MSH6: variants seen among roughly 807,000 people sequenced by gnomAD.
MSH6 encodes mutS homolog 6.
In MSH6, 85 loss-of-function variants were observed where a neutral mutation model predicts 119.1. That is an observed-to-expected ratio of 0.71 (90% CI 0.60 to 0.85). MSH6 has a LOEUF of 0.85. Among genes scored for constraint, MSH6 ranks in the 40% least tolerant of loss-of-function variants. MSH6 has a pLI of 0.00. For missense variants in MSH6, 2,163 were observed against 1,655.3 expected, an observed-to-expected ratio of 1.31 and a Z score of -5.32; for synonymous variants, 830 against 586.9, an observed-to-expected ratio of 1.41 and a Z score of -5.99.
intron 4 of MSH6, among the ~76,000 whole-genome samples, chr2:47,802,013 A>G: frequency 6.6e-6 from 1 of 152,256 alleles, no homozygotes; most frequent in East Asian, 1.9e-4. Flanking sequence ...ATTTATCAAT[A>G]AAAAGTTGAG....
At chr2:47,790,156 T>C (rs1668640437) in intron 1 of MSH6, among the ~76,000 whole-genome samples, 1 of 152,188 alleles carries the variant, frequency 6.6e-6, no homozygotes, top group Admixed American at 6.5e-5. Flanking sequence ...GCGCGGTGGC[T>C]CACGCCTGTA....
rs375210430 is a variant in MSH6 at position 47,798,940 on chromosome 2, G to C, written c.957G>C (p.Thr319=). The C allele has an allele frequency of 2.6e-5, 42 of 1,614,030 alleles. No individual in the cohort carries two copies. Among genetic ancestry groups the C allele is most frequent in the Non-Finnish European group, 3.4e-5 (40 of 1,180,036 alleles). ...AAAGGAAAAGCTCTAGGAAGGAAAC[G>C]CCCTCAGCCACCAAACAAGCAACTA... ...SLKRKSSRKE[T]PSATKQATSI... The change falls in exon 4 of 10, where the codon ACG becomes ACC. Residue 319 remains threonine (T), a synonymous_variant. Coordinates refer to ENST00000234420, the MANE Select transcript of MSH6 (RefSeq NM_000179.3).
intron 4 of MSH6, among the ~76,000 whole-genome samples, chr2:47,801,673 C>T (rs1052263202): frequency 6.6e-6 from 1 of 151,832 alleles, no homozygotes; most frequent in East Asian, 1.9e-4. Context: ...CTGGCCCTTT[C>T]TTCAGTCTTT....
rs1229241977 is a variant in MSH6, at chr2:47,783,198, G to C, written c.-36G>C. 1 of 1,609,358 alleles carries C rather than the reference G, an allele frequency of 6.2e-7. No homozygotes were observed. On this transcript the variant is annotated 5_prime_UTR_variant, in exon 1 of 10. Transcript: ENST00000234420. ...TAGATGCGGTGCTTTTAGGAGCTCCGTCCGACAGAACGGTTGGGCCTTGCC... is the reference window on the plus strand; with the variant it reads ...TAGATGCGGTGCTTTTAGGAGCTCCCTCCGACAGAACGGTTGGGCCTTGCC...
At chr2:47,808,936 A>T (rs539052165), downstream of MSH6, 11 of 402,896 alleles carry the variant, frequency 2.7e-5, no homozygotes, top group Middle Eastern at 6.9e-4. Context: ...GGCTCCAGTG[A>T]TCCTCCCACT....
rs587782324 is a variant in MSH6, at chr2:47,800,997, G to T, written c.3014G>T (p.Arg1005Leu). The T allele has an allele frequency of 5.1e-6, 8 of 1,562,958 alleles. No homozygotes were observed. Among genetic ancestry groups the T allele is most frequent in the Non-Finnish European group, 6.9e-6 (8 of 1,156,732 alleles). The change falls in exon 4 of 10, where the codon CGA (arginine) becomes CTA (leucine). Residue 1005 changes from arginine to leucine, a missense_variant. Coordinates refer to ENST00000234420, the MANE Select transcript of MSH6 (RefSeq NM_000179.3). ...AAATCTACCAAGAAGGGCTGTAAAC[G>T]ATACTGGACCAAAACTATTGAAAAG... ...ELKSTKKGCK[R>L]YWTKTIEKKL...
chr2:47,799,197 C>T lies in MSH6; in HGVS notation c.1214C>T (p.Ser405Phe), dbSNP rs730881790. The T allele has an allele frequency of 6.2e-7, 1 of 1,614,138 alleles. No individual in the cohort carries two copies. Among genetic ancestry groups the T allele is most frequent in the South Asian group, 1.1e-5 (1 of 91,074 alleles). ...TATGTGCCTGAGGATTTCCTCAATT[C>T]TTGTACTCCTGGGATGAGGAAGTGG... ...TLYVPEDFLNSCTPGMRKWWQ... is the reference protein window; with the variant it reads ...TLYVPEDFLNFCTPGMRKWWQ... The change falls in exon 4 of 10, where the codon TCT becomes TTT. Residue 405 changes from serine to phenylalanine, a missense_variant. Transcript: ENST00000234420.
intron 2 of MSH6, among the ~76,000 whole-genome samples, chr2:47,792,056 A>T (rs1668761925): frequency 1.3e-5 from 2 of 151,940 alleles, no homozygotes; most frequent in Middle Eastern, 3.2e-3. Context: ...ATGTTGGCCA[A>T]GCTGGTCTTG....
rs766073664 is a variant in MSH6 at position 47,806,842 on chromosome 2, T to G, written c.4065T>G (p.Thr1355=). 1 of 1,612,408 alleles carries G rather than the reference T, an allele frequency of 6.2e-7. No individual in the cohort carries two copies. The highest frequency in any genetic ancestry group is 1.1e-5 in the South Asian group (1 of 90,902). ...VDAEAVHKLL[T]LIKEL ...CTGAAGCTGTCCATAAATTGCTGAC[T>G]TTGATTAAGGAATTATAGACTGACT... Residue 1355 remains threonine (T), a synonymous_variant, in exon 10 of 10, where the codon ACT becomes ACG. Transcript: ENST00000234420.
chr2:47,802,749 TC>T (rs1435322648), intron 4 of MSH6, among the ~76,000 whole-genome samples: 10 of 151,982 alleles, frequency 6.6e-5, no homozygotes, highest in African/African-American at 2.4e-4. Flanking sequence ...ATAATATACT[TC>T]CTTTTAGTGT....
intron 2 of MSH6, among the ~76,000 whole-genome samples, chr2:47,793,101 A>G (rs1668842738): frequency 6.6e-6 from 1 of 151,580 alleles, no homozygotes; most frequent in Non-Finnish European, 1.5e-5. Flanking sequence ...CAGGTGGATC[A>G]CCTGAGGTCA....
chr2:47,809,342 C>T, downstream of MSH6: 1 of 943,658 alleles, frequency 1.1e-6, no homozygotes, highest in South Asian at 1.6e-5. Flanking sequence ...TAGGATTATT[C>T]TAACAGAAGA....
chr2:47,801,361 GTTTTT>G (rs10666222), intron 4 of MSH6: 40 of 89,998 alleles, frequency 4.4e-4, no homozygotes, highest in South Asian at 4.0e-3. Flanking sequence ...CCTTTCTTCA[GTTTTT>G]TTTTTTTTTT....
chr2:47,809,364 T>C (rs1210289010), downstream of MSH6: 2 of 796,258 alleles, frequency 2.5e-6, no homozygotes, highest in Admixed American at 6.0e-5. Context: ...CCACTATTTT[T>C]AAGAGCTTTA....
chr2:47,796,934 C>T (rs1011641546), intron 3 of MSH6, among the ~76,000 whole-genome samples: 2 of 152,128 alleles, frequency 1.3e-5, no homozygotes, highest in African/African-American at 4.8e-5. Context: ...GCCAAGATCG[C>T]ACCACTGCAT....
At chr2:47,805,217 G>C (rs1034738913) in intron 6 of MSH6, among the ~76,000 whole-genome samples, 190 bp downstream of exon 6, 1 of 135,092 alleles carries the variant, frequency 7.4e-6, no homozygotes, top group African/African-American at 2.8e-5. Context: ...TTTCCCTCTT[G>C]TTGCCCAAGC....
chr2:47,806,753 T>A (rs1558395292), intron 9 of MSH6, 26 bp from the exon 10 acceptor site: 1 of 492,236 alleles, frequency 2.0e-6, no homozygotes, highest in South Asian at 3.5e-5. Context: ...CAAAAAAACT[T>A]TTTTTTTTTT....
In MSH6 at chr2:47,799,799, A is replaced by G. The variant is rs1478102899; in HGVS notation, c.1816A>G (p.Lys606Glu). Residue 606 changes from lysine (K) to glutamate (E), a missense_variant, in exon 4 of 10, where the codon AAA becomes GAA. Coordinates refer to ENST00000234420, the MANE Select transcript of MSH6 (RefSeq NM_000179.3). ...FEKGNLSKET[K>E]TILKSSLSCS... ...AAAAGGAAATCTCTCAAAGGAAACT[A>G]AAACAATTCTAAAGAGTTCATTGTC... is the stretch of plus-strand genomic sequence containing the variant. 1.2e-6 allele frequency: 2 copies of G among 1,614,248 alleles called. No homozygotes were observed. Among genetic ancestry groups the G allele is most frequent in the East Asian group, 2.2e-5 (1 of 44,888 alleles).
chr2:47,805,039 G>A lies in MSH6; in HGVS notation c.3556+12G>A, dbSNP rs1295637189. On this transcript the variant is annotated intron_variant, in intron 6 of 9. Coordinates refer to ENST00000234420, the MANE Select transcript of MSH6 (RefSeq NM_000179.3). ...CAGAATAATGTCAGGTGAGTTTTTTGTTTCCCACTTAAGTTCTCATTCAGT... is the reference window on the plus strand; with the variant it reads ...CAGAATAATGTCAGGTGAGTTTTTTATTTCCCACTTAAGTTCTCATTCAGT... 1.3e-6 allele frequency: 2 copies of A among 1,562,340 alleles called. No homozygotes were observed. The highest frequency in any genetic ancestry group is 1.8e-6 in the Non-Finnish European group (2 of 1,132,806).
Sources: allele counts gnomAD v4.1 joint callset (sites outside exome capture counted in the v4.1 genomes callset), GRCh38; gene constraint gnomAD v4.1.1; transcripts MANE v1.5; gene names NCBI Gene and HGNC (gene_info 2026-07-23, HGNC 2026-07-21).